NFIC: variants seen among roughly 807,000 people sequenced by gnomAD.
NFIC encodes the protein nuclear factor I C, also known as nuclear factor 1 C-type.
Under a neutral mutation model 54.4 loss-of-function variants are expected in NFIC, and 12 were observed. That is an observed-to-expected ratio of 0.22 (90% CI 0.14 to 0.36). NFIC has a LOEUF of 0.36. Among genes scored for constraint, NFIC ranks in the 10% least tolerant of loss-of-function variants. The pLI, the probability that NFIC is intolerant of heterozygous loss-of-function variation, is 1.00. For missense variants in NFIC, 575 were observed against 718.2 expected (o/e 0.80, Z 2.28); for synonymous variants, 322 against 319.2 (o/e 1.01, Z -0.09).
Position 3,453,702 on chromosome 19 carries a change from C to A in NFIC, c.1270-61C>A. ...TGCACAGAGCCGGGGGCGGCCGGCG[C>A]CAGCAGCCCGAGGTAGAGGGGGAGC... On this transcript the variant is annotated intron_variant, in intron 8 of 10. Coordinates refer to ENST00000443272, the MANE Select transcript of NFIC (RefSeq NM_001245002.2). This position sits in a 1 kb window ranked among gnomAD's most constrained non-coding sequence, Gnocchi z 6.7. 3 of 1,531,704 alleles carry A rather than the reference C, an allele frequency of 2.0e-6. No homozygotes were observed. Among genetic ancestry groups the A allele is most frequent in the Non-Finnish European group, 1.7e-6 (2 of 1,146,632 alleles). 94.9% of individuals were successfully genotyped at this position (1,531,704 alleles called of 1,614,324 possible).
At position 3,433,510 on chromosome 19, in the gene NFIC, T is replaced by C. The variant is rs954781907; in HGVS notation, c.635-8T>C. 1.2e-6 allele frequency: 2 copies of C among 1,613,626 alleles called. No individual in the cohort carries two copies. The highest frequency in any genetic ancestry group is 1.7e-6 in the Non-Finnish European group (2 of 1,179,680). ...CAGCCTACTGACCCCGCTGTCTTCC[T>C]GTTCCAGACACGACCGACTTCCAGG... On this transcript the variant is annotated splice_polypyrimidine_tract_variant and splice_region_variant and intron_variant, in intron 3 of 10. Coordinates refer to ENST00000443272, the MANE Select transcript of NFIC (RefSeq NM_001245002.2).
chr19:3,422,684 T>C (rs2081971248), intron 2 of NFIC, among the ~76,000 whole-genome samples: 1 of 151,482 alleles, frequency 6.6e-6, no homozygotes, highest in Non-Finnish European at 1.5e-5. Context: ...GCCACTGCAC[T>C]CCAGCCTGGG....
chr19:3,404,939 C>G (rs1020240442), intron 2 of NFIC, among the ~76,000 whole-genome samples: 1 of 152,178 alleles, frequency 6.6e-6, no homozygotes, highest in Non-Finnish European at 1.5e-5. Flanking sequence ...GAGGCCAGCA[C>G]TGGGCCTCCA....
intron 2 of NFIC, among the ~76,000 whole-genome samples, chr19:3,403,895 C>T (rs1333573680): frequency 1.3e-5 from 2 of 152,056 alleles, no homozygotes; most frequent in Non-Finnish European, 2.9e-5. Flanking sequence ...CGGGCGCTTC[C>T]GACTGGCCCT....
intron 1 of NFIC, among the ~76,000 whole-genome samples, chr19:3,360,650 G>C (rs1474153685): frequency 1.3e-5 from 2 of 152,208 alleles, no homozygotes; most frequent in African/African-American, 4.8e-5. Context: ...GCACATCCAC[G>C]TGCTGGCGCG....
chr19:3,432,520 G>A (rs888789963), intron 3 of NFIC, among the ~76,000 whole-genome samples: 1 of 152,068 alleles, frequency 6.6e-6, no homozygotes, highest in African/African-American at 2.4e-5. Context: ...GTTGGATACA[G>A]ATCTCACGAC....
chr19:3,397,682 C>A (rs1327284378), intron 2 of NFIC, among the ~76,000 whole-genome samples: 1 of 58,026 alleles, frequency 1.7e-5, no homozygotes, highest in Non-Finnish European at 7.5e-5. Flanking sequence ...GTGGCGGCAA[C>A]GGGGCAGCTG....
At position 3,381,979 on chromosome 19, in the gene NFIC, A is replaced by G; in HGVS notation, c.298A>G (p.Lys100Glu). ...EDFVLSITGK[K>E]APGCVLSNPD... ...CTTCGTGCTGAGCATCACCGGCAAGAAGGCGCCGGGCTGCGTGCTCTCCAA... is the reference window on the plus strand; with the variant it reads ...CTTCGTGCTGAGCATCACCGGCAAGGAGGCGCCGGGCTGCGTGCTCTCCAA... The change falls in exon 2 of 11, where the codon AAG becomes GAG. Residue 100 changes from lysine to glutamate, a missense_variant. This residue lies in a region of NFIC where 122 missense variants were observed against 158.0 expected (regional missense o/e 0.77). Coordinates refer to ENST00000443272, the MANE Select transcript of NFIC (RefSeq NM_001245002.2). The G allele has an allele frequency of 1.9e-6, 3 of 1,613,464 alleles. No individual in the cohort carries two copies. The highest frequency in any genetic ancestry group is 2.5e-6 in the Non-Finnish European group (3 of 1,179,918).
intron 2 of NFIC, among the ~76,000 whole-genome samples, chr19:3,411,350 C>T (rs1427883667): frequency 1.2e-4 from 8 of 65,930 alleles, no homozygotes; most frequent in African/African-American, 2.4e-4. Flanking sequence ...TTTTTTGAGA[C>T]GGAGTCTTGC....
chr19:3,432,353 C>T (rs1200376406), intron 3 of NFIC, among the ~76,000 whole-genome samples: 1 of 152,116 alleles, frequency 6.6e-6, no homozygotes, highest in East Asian at 1.9e-4. Flanking sequence ...TTGCTGGGTG[C>T]CAAGCTCTGG....
rs546236486 is a variant in NFIC, at chr19:3,424,736, C to T, written c.563-370C>T. 7.6e-4 allele frequency among the ~76,000 whole-genome samples: 116 copies of T among 152,326 alleles called. 2 individuals carry two copies. Among genetic ancestry groups the T allele is most frequent in the Middle Eastern group, 6.8e-3 (2 of 294 alleles). ...AGAAGGCAAGCGACTTGCTCAGGGT[C>T]GCACAGCAAGAAAGCGGCACAGCTG... On this transcript the variant is annotated intron_variant, in intron 2 of 10. Transcript: ENST00000443272.
At chr19:3,420,585 A>AAATAAAT (rs921453424) in intron 2 of NFIC, among the ~76,000 whole-genome samples, 2 of 151,814 alleles carry the variant, frequency 1.3e-5, no homozygotes, top group Non-Finnish European at 2.9e-5. Flanking sequence ...ATAAATAAAT[A>AAATAAAT]AAAGATACAA....
rs1491378970 is a variant in NFIC at position 3,371,986 on chromosome 19, TCC to T, written c.30+5322_30+5323del. On this transcript the variant is annotated intron_variant, in intron 1 of 10. Transcript: ENST00000443272. ...TTCTTTCCTTCTCTTTCTCTCTCTC[TCC>T]CTCTCTCTCCCTCTCTCTCTCTCTC... Among the ~76,000 whole-genome samples the T allele has an allele frequency of 1.4e-3, 99 of 70,702 alleles. 6 individuals are homozygous for T. Among genetic ancestry groups the T allele is most frequent in the Non-Finnish European group, 2.0e-3 (75 of 36,724 alleles). The allele number at this position is 70,702 out of a possible 152,430, so 46.4% of individuals were successfully genotyped here.
Position 3,382,206 on chromosome 19 carries a change from G to C in NFIC, c.525G>C (p.Glu175Asp). ...ACCACATTGGCGTGGCCGTCAAGGA[G>C]CTGGACCTCTACCTGGCCTACTTCG... ...QPHHIGVAVK[E>D]LDLYLAYFVR... The change falls in exon 2 of 11, where the codon GAG (glutamate) becomes GAC (aspartate). Residue 175 changes from glutamate to aspartate, a missense_variant. Transcript: ENST00000443272. 1 of 1,608,126 alleles carries C rather than the reference G, an allele frequency of 6.2e-7. No individual in the cohort carries two copies. Among genetic ancestry groups the C allele is most frequent in the Non-Finnish European group, 8.5e-7 (1 of 1,179,764 alleles).
chr19:3,395,274 A>C (rs1294922300), intron 2 of NFIC, among the ~76,000 whole-genome samples: 3 of 151,914 alleles, frequency 2.0e-5, no homozygotes, highest in Non-Finnish European at 2.9e-5. Flanking sequence ...CAGGAGAATC[A>C]CTTCAATCCG....
chr19:3,429,850 G>A (rs1434212774), intron 3 of NFIC, among the ~76,000 whole-genome samples: 1 of 152,182 alleles, frequency 6.6e-6, no homozygotes, highest in Non-Finnish European at 1.5e-5. Context: ...TCCCAGTGCC[G>A]GGAACATCGT....
At chr19:3,448,367 C>T (rs1302186107) in intron 6 of NFIC, among the ~76,000 whole-genome samples, 1 of 152,224 alleles carries the variant, frequency 6.6e-6, no homozygotes, top group Non-Finnish European at 1.5e-5. Context: ...GCCACTGTGC[C>T]TGGCCTCTGT....
chr19:3,453,269 G>A lies in NFIC; in HGVS notation c.1270-494G>A, dbSNP rs1166785963. Among the ~76,000 whole-genome samples, 2 of 152,016 alleles carry A rather than the reference G, an allele frequency of 1.3e-5. No individual in the cohort carries two copies. ...GAAAAAAAAGGTTGGGGGGCGGGGG[G>A]CAGGAAGACATTGATTACAAAAAAA... On this transcript the variant is annotated intron_variant, in intron 8 of 10. Transcript: ENST00000443272. This position sits in a 1 kb window ranked among gnomAD's most constrained non-coding sequence, Gnocchi z 6.7.
At chr19:3,408,683 C>T (rs980220037) in intron 2 of NFIC, among the ~76,000 whole-genome samples, 2 of 152,132 alleles carry the variant, frequency 1.3e-5, no homozygotes, top group African/African-American at 4.8e-5. Context: ...CTCACTACAA[C>T]CTCCGCCTCC....
Sources: gnomAD v4.1 joint callset for allele counts (sites outside exome capture counted in the v4.1 genomes callset) on GRCh38, gnomAD v4.1.1 for gene constraint, gnomAD v4.1.1 regional missense constraint, Gnocchi (gnomAD v3.1) non-coding constraint, MANE v1.5 for transcripts, NCBI Gene and HGNC (gene_info 2026-07-23, HGNC 2026-07-21) for gene names.